PACSIN2: variants seen among roughly 807,000 people sequenced by gnomAD.
PACSIN2 encodes protein kinase C and casein kinase substrate in neurons protein 2.
In PACSIN2, 25 loss-of-function variants were observed where a neutral mutation model predicts 63.8. The observed-to-expected ratio is 0.39, with a 90% CI of 0.29 to 0.55. The LOEUF (loss-of-function observed/expected upper bound fraction) is 0.55. Ranked by LOEUF, PACSIN2 falls within the 20% of genes least tolerant of loss-of-function variation. The pLI, the probability that PACSIN2 is intolerant of heterozygous loss-of-function variation, is 0.62. For missense variants in PACSIN2, 518 were observed against 646.9 expected (o/e 0.80, Z 2.16); for synonymous variants, 255 against 256.2 (o/e 1.00, Z 0.05).
intron 1 of PACSIN2, among the ~76,000 whole-genome samples, chr22:43,005,999 C>T (rs1395201812): frequency 1.3e-5 from 2 of 151,932 alleles, no homozygotes; most frequent in African/African-American, 4.8e-5. Context: ...CACTATGTTA[C>T]CCAGGCTGGC....
Position 42,872,375 on chromosome 22 carries a change from G to A in PACSIN2, c.1349-906C>T, listed in dbSNP as rs569078498. Among the ~76,000 whole-genome samples the A allele has an allele frequency of 1.8e-4, 27 of 152,348 alleles. 2 individuals are homozygous for A. The South Asian group carries it at 5.4e-3, about 30-fold the overall frequency. On this transcript the variant is annotated intron_variant, in intron 10 of 10. Coordinates refer to ENST00000263246, the MANE Select transcript of PACSIN2 (RefSeq NM_001184970.3). ...GAAGGCCAGTTGGGCCTGCTGGCTCGGACCTCGTCAGGAGCAAGCAATTGG... is the reference window on the plus strand; with the variant it reads ...GAAGGCCAGTTGGGCCTGCTGGCTCAGACCTCGTCAGGAGCAAGCAATTGG...
chr22:42,889,973 G>C (rs924070439), intron 4 of PACSIN2, among the ~76,000 whole-genome samples: 1 of 151,418 alleles, frequency 6.6e-6, no homozygotes, highest in Non-Finnish European at 1.5e-5. Flanking sequence ...AATAAAGAAA[G>C]GCTACTGCAC....
chr22:42,885,309 C>A (rs772635520), intron 5 of PACSIN2, among the ~76,000 whole-genome samples: 4 of 152,180 alleles, frequency 2.6e-5, no homozygotes. Flanking sequence ...CCCCTCATCT[C>A]AGCATGCAGG....
At chr22:43,013,803 T>C (rs1403589396) in intron 1 of PACSIN2, among the ~76,000 whole-genome samples, 2 of 152,148 alleles carry the variant, frequency 1.3e-5, no homozygotes, top group East Asian at 1.9e-4. Context: ...CAGTATTTGG[T>C]AAACAGTGTA....
intron 6 of PACSIN2, among the ~76,000 whole-genome samples, chr22:42,883,165 C>T (rs1048830100): frequency 1.3e-5 from 2 of 152,180 alleles, no homozygotes; most frequent in Admixed American, 1.3e-4. Flanking sequence ...ATGGGAGTCA[C>T]TCCACATGCA....
At chr22:42,926,379 A>T (rs76042713) in intron 1 of PACSIN2, among the ~76,000 whole-genome samples, 1,544 of 152,206 alleles carry the variant, frequency 0.01, 26 homozygotes, top group African/African-American at 0.035. Flanking sequence ...TCCAGAGATT[A>T]AAAAAACAGC....
Position 42,912,157 on chromosome 22 carries a change from C to A in PACSIN2, c.-77G>T. 1.0e-6 allele frequency: 1 copy of A among 964,600 alleles called. No homozygotes were observed. Among genetic ancestry groups the A allele is most frequent in the Non-Finnish European group, 1.6e-6 (1 of 637,820 alleles). The allele number at this position is 964,600 out of a possible 1,614,324, so 59.8% of individuals were successfully genotyped here. On this transcript the variant is annotated splice_region_variant and 5_prime_UTR_variant, in exon 2 of 11. Transcript: ENST00000263246. ...CGAACGCTCAAAATCTGTAGACAAA[C>A]CTATAAATGAAAAACATATAACATA... is the stretch of plus-strand genomic sequence containing the variant.
intron 1 of PACSIN2, among the ~76,000 whole-genome samples, chr22:42,974,748 CAAAA>C (rs763775543): frequency 8.5e-5 from 5 of 58,492 alleles, no homozygotes; most frequent in Non-Finnish European, 7.4e-5. Context: ...GATCTTGTCT[CAAAA>C]AAAAAAAAAA....
intron 1 of PACSIN2, among the ~76,000 whole-genome samples, chr22:42,945,190 G>C (rs1287260131): frequency 6.6e-6 from 1 of 150,494 alleles, no homozygotes; most frequent in Non-Finnish European, 1.5e-5. Flanking sequence ...ACAGTGACTA[G>C]ATGTACGCAC....
At chr22:42,964,559 G>A (rs1248653248) in intron 1 of PACSIN2, among the ~76,000 whole-genome samples, 1 of 152,164 alleles carries the variant, frequency 6.6e-6, no homozygotes, top group Non-Finnish European at 1.5e-5. Flanking sequence ...AGCCAGGACA[G>A]GGCAAGGGCA....
chr22:42,874,936 C>T (rs767242061), intron 10 of PACSIN2, among the ~76,000 whole-genome samples: 4 of 150,984 alleles, frequency 2.6e-5, no homozygotes, highest in Non-Finnish European at 2.9e-5. Flanking sequence ...CTGCAAGCTC[C>T]GCCTCCCGGG....
intron 1 of PACSIN2, among the ~76,000 whole-genome samples, chr22:42,923,618 G>T (rs144099446): frequency 3.9e-5 from 6 of 152,046 alleles, no homozygotes; most frequent in African/African-American, 1.4e-4. Context: ...TAGTAGAGAC[G>T]GGGTTTCACC....
chr22:42,918,969 A>G (rs1165527728), intron 1 of PACSIN2, among the ~76,000 whole-genome samples: 1 of 152,180 alleles, frequency 6.6e-6, no homozygotes, highest in African/African-American at 2.4e-5. Context: ...GAGGTCAGGT[A>G]GGGCATGTTT....
chr22:43,013,742 G>C (rs1924656815), intron 1 of PACSIN2, among the ~76,000 whole-genome samples: 1 of 152,236 alleles, frequency 6.6e-6, no homozygotes, highest in Non-Finnish European at 1.5e-5. Flanking sequence ...ATCTGCAGCT[G>C]AGGTTCAAAC....
Position 42,970,295 on chromosome 22 carries a change from T to G in PACSIN2, c.-78+44726A>C, listed in dbSNP as rs11703600. ...TGAGATGATGTAATGAAAAGGGCACTTCACCTCTGTGGGACTCTCCCCAAA... is the reference window on the plus strand; with the variant it reads ...TGAGATGATGTAATGAAAAGGGCACGTCACCTCTGTGGGACTCTCCCCAAA... On this transcript the variant is annotated intron_variant, in intron 1 of 10. Transcript: ENST00000263246. Among the ~76,000 whole-genome samples the G allele has an allele frequency of 4.5e-3, 680 of 152,304 alleles. 2 individuals are homozygous for G. Among genetic ancestry groups the G allele is most frequent in the Non-Finnish European group, 6.3e-3 (429 of 68,032 alleles).
chr22:43,014,525 T>C (rs1278431231), intron 1 of PACSIN2, among the ~76,000 whole-genome samples: 5 of 151,184 alleles, frequency 3.3e-5, no homozygotes, highest in Non-Finnish European at 7.4e-5. Context: ...AGCCACGCCT[T>C]CCCTCCAGCG....
intron 1 of PACSIN2, among the ~76,000 whole-genome samples, chr22:42,948,779 C>A (rs1365749137): frequency 6.6e-6 from 1 of 152,200 alleles, no homozygotes; most frequent in Non-Finnish European, 1.5e-5. Context: ...TCAGCTAGAG[C>A]CAAAGCACTC....
Position 42,876,828 on chromosome 22 carries a change from G to GAA in PACSIN2, c.1151+59_1151+60insTT. On this transcript the variant is annotated intron_variant, in intron 9 of 10. Coordinates refer to ENST00000263246, the MANE Select transcript of PACSIN2 (RefSeq NM_001184970.3). ...CCGAGGGGTGAGACCCCTGGACAGA[G>GAA]AGAGAGGAAGAGAGACAGAGTGAGC... is the stretch of plus-strand genomic sequence containing the variant. 1.9e-6 allele frequency: 3 copies of GAA among 1,609,404 alleles called. No homozygotes were observed. The East Asian group carries it at 6.7e-5, about 36-fold the overall frequency.
In PACSIN2 at chr22:42,870,144, C is replaced by T. The variant is rs1246865650; in HGVS notation, c.*1213G>A. On this transcript the variant is annotated 3_prime_UTR_variant, in exon 11 of 11. Coordinates refer to ENST00000263246, the MANE Select transcript of PACSIN2 (RefSeq NM_001184970.3). ...TCGTGCTGCGGGTAAGACCCAGCTT[C>T]TGTTTGTGCACAAGTAACACGACGA... The T allele has an allele frequency of 6.6e-6, 1 of 152,198 alleles. No individual in the cohort carries two copies. The highest frequency in any genetic ancestry group is 1.9e-4 in the East Asian group (1 of 5,184). 9.4% of individuals were successfully genotyped at this position (152,198 alleles called of 1,614,324 possible).
Sources: allele counts gnomAD v4.1 joint callset (sites outside exome capture counted in the v4.1 genomes callset), GRCh38; gene constraint gnomAD v4.1.1; transcripts MANE v1.5; gene names NCBI Gene and HGNC (gene_info 2026-07-23, HGNC 2026-07-21).